The following DST variants were observed in gnomAD, a reference collection of about 807,000 sequenced individuals.
DST encodes the protein dystonin.
DST carries 253 observed loss-of-function variants against 875.2 expected under a neutral mutation model. The observed-to-expected ratio is 0.29, with a 90% CI of 0.26 to 0.32. DST has a LOEUF of 0.32. DST is among the 10% of genes least tolerant of loss of function. DST has a pLI of 1.00. For missense variants in DST, 8,287 were observed against 9,111.6 expected, an observed-to-expected ratio of 0.91 and a Z score of 3.68; for synonymous variants, 3,124 against 3,197.1, an observed-to-expected ratio of 0.98 and a Z score of 0.77.
chr6:56,881,577 T>C (rs1031836619), intron 3 of DST, among the ~76,000 whole-genome samples: 4 of 152,200 alleles, frequency 2.6e-5, no homozygotes, highest in Non-Finnish European at 4.4e-5. Context: ...CTGACTGATC[T>C]TCCCACCCCA....
chr6:56,854,933 T>A (rs1275028372), intron 3 of DST, among the ~76,000 whole-genome samples: 1 of 152,202 alleles, frequency 6.6e-6, no homozygotes, highest in African/African-American at 2.4e-5. Flanking sequence ...CACACCATCA[T>A]TTGTCATCCC....
intron 4 of DST, among the ~76,000 whole-genome samples, chr6:56,753,226 T>C (rs2099593063): frequency 6.6e-6 from 1 of 152,198 alleles, no homozygotes; most frequent in Non-Finnish European, 1.5e-5. Context: ...AGAAGAGTCA[T>C]GAATGGCTAC....
intron 3 of DST, among the ~76,000 whole-genome samples, chr6:56,867,424 G>A (rs1309074373): frequency 1.3e-5 from 2 of 152,172 alleles, no homozygotes; most frequent in East Asian, 1.9e-4. Flanking sequence ...TTCTTTTACA[G>A]TCTCATTTAT....
In DST at chr6:56,633,022, G is replaced by A; in HGVS notation, c.3637C>T (p.Pro1213Ser). 2 of 1,613,814 alleles carry A rather than the reference G, an allele frequency of 1.2e-6. No homozygotes were observed. The highest frequency in any genetic ancestry group is 1.7e-6 in the Non-Finnish European group (2 of 1,179,894). Reference sequence around the variant, plus strand: ...CTTAGAACTTGCTGATGTTCACCAGGTAGCATTGTCTTTATCTAAAGAAGA... The same window carrying A: ...CTTAGAACTTGCTGATGTTCACCAGATAGCATTGTCTTTATCTAAAGAAGA... Reference protein sequence around the residue: ...SNVASIKTMLPGEHQQVLSNL... With the variant: ...SNVASIKTMLSGEHQQVLSNL... Residue 1213 changes from proline to serine, a missense_variant, in exon 28 of 104, where the codon CCT becomes TCT. Pro to Ser is a moderately conservative substitution (Grantham distance 74, BLOSUM62 -1). Around this residue, in one of 10 missense-constraint regions of DST, gnomAD observed 3,138 missense variants for 3,116.6 expected, o/e 1.01. Transcript: ENST00000680361.
In DST at chr6:56,641,125, G is replaced by A. The variant is rs569620264; in HGVS notation, c.2028-520C>T. 4.0e-5 allele frequency among the ~76,000 whole-genome samples: 6 copies of A among 151,656 alleles called. No individual in the cohort carries two copies. The South Asian group carries it at 1.3e-3, about 32-fold the overall frequency. On this transcript the variant is annotated intron_variant, in intron 17 of 103. Coordinates refer to ENST00000680361, the MANE Select transcript of DST (RefSeq NM_001374736.1). ...TTACATATTTATGCACAGAGAGAGAGAGAGAGAGAGAGAGAGAGAGAGAGG... is the reference window on the plus strand; with the variant it reads ...TTACATATTTATGCACAGAGAGAGAAAGAGAGAGAGAGAGAGAGAGAGAGG...
chr6:56,611,839 A>G (rs931215249), intron 37 of DST, among the ~76,000 whole-genome samples: 2 of 152,122 alleles, frequency 1.3e-5, no homozygotes, highest in Admixed American at 1.3e-4. Context: ...AAAATAATAC[A>G]TTATACGTTT....
At chr6:56,641,897 GAAACAGTTACACAAAAAA>G (rs1238670461) in intron 17 of DST, 32 bp downstream of exon 17, 1 of 1,449,412 alleles carries the variant, frequency 6.9e-7, no homozygotes, top group East Asian at 2.3e-5. Context: ...AAATGCCCAT[GAAACAGTTACACAAAAAA>G]AGGACAGAGA....
At chr6:56,592,891 C>CA (rs1017209432) in intron 48 of DST, among the ~76,000 whole-genome samples, 4 of 147,274 alleles carry the variant, frequency 2.7e-5, no homozygotes, top group Non-Finnish European at 6.0e-5. Flanking sequence ...TTTTTTTTTT[C>CA]AAAAAAAACC....
intron 69 of DST, among the ~76,000 whole-genome samples, chr6:56,524,031 T>G (rs2096752448): frequency 6.6e-6 from 1 of 152,138 alleles, no homozygotes; most frequent in African/African-American, 2.4e-5. Flanking sequence ...AAAGATATGC[T>G]TTTTTTAATC....
At chr6:56,479,568 C>T (rs2095331356) in intron 90 of DST, among the ~76,000 whole-genome samples, 1 of 151,976 alleles carries the variant, frequency 6.6e-6, no homozygotes, top group South Asian at 2.1e-4. Flanking sequence ...AAATGTGGTA[C>T]ATATATACCA....
At chr6:56,600,323 A>C in intron 44 of DST, 102 bp from the exon 45 acceptor site, 1 of 1,093,232 alleles carries the variant, frequency 9.1e-7, no homozygotes, top group South Asian at 1.5e-5. Context: ...TTTGTCTAAT[A>C]AGCTTTTATA....
At chr6:56,595,111 A>T (rs1283670220) in intron 47 of DST, among the ~76,000 whole-genome samples, 1 of 152,092 alleles carries the variant, frequency 6.6e-6, no homozygotes, top group Non-Finnish European at 1.5e-5. Flanking sequence ...CCTTCTGGGC[A>T]ATTTCCCACA....
Position 56,458,333 on chromosome 6 carries a change from A to G in DST, c.*672T>C, listed in dbSNP as rs962702376. On this transcript the variant is annotated 3_prime_UTR_variant, in exon 104 of 104. Transcript: ENST00000680361. ...ATGATACAGGTGCTACTGTCCACTC[A>G]AGCAAAAGAAAACCTCACATGTATA... 1.3e-5 allele frequency: 2 copies of G among 152,570 alleles called. No individual in the cohort carries two copies. The highest frequency in any genetic ancestry group is 4.8e-5 in the African/African-American group (2 of 41,454). 9.5% of individuals were successfully genotyped at this position (152,570 alleles called of 1,614,324 possible).
intron 4 of DST, among the ~76,000 whole-genome samples, chr6:56,772,659 C>T (rs1166285320): frequency 6.6e-6 from 1 of 152,126 alleles, no homozygotes; most frequent in East Asian, 1.9e-4. Flanking sequence ...CAATTAAAAT[C>T]ACAAGTAGTT....
chr6:56,470,267 C>T lies in DST; in HGVS notation c.22337G>A (p.Arg7446His), dbSNP rs768427386. The T allele has an allele frequency of 1.3e-5, 21 of 1,603,780 alleles. No individual in the cohort carries two copies. The highest frequency in any genetic ancestry group is 5.6e-5 in the South Asian group (5 of 89,316). The change falls in exon 96 of 104, where the codon CGC becomes CAC. Residue 7446 changes from arginine (R) to histidine (H), a missense_variant. Physicochemically the swap from Arg to His is conservative, Grantham distance 29 (BLOSUM62 0). Coordinates refer to ENST00000680361, the MANE Select transcript of DST (RefSeq NM_001374736.1). Reference protein sequence around the residue: ...GILSSKFPTSRLEMSAVADIF... With the variant: ...GILSSKFPTSHLEMSAVADIF... ...GTCTGCAACTGCGCTCATCTCCAAGCGACTGGTTGGAAACTCTAAAATTTT... is the reference window on the plus strand; with the variant it reads ...GTCTGCAACTGCGCTCATCTCCAAGTGACTGGTTGGAAACTCTAAAATTTT...
chr6:56,943,397 G>T (rs1008613884), intron 2 of DST, among the ~76,000 whole-genome samples: 74 of 150,540 alleles, frequency 4.9e-4, no homozygotes, highest in African/African-American at 1.7e-3. Context: ...AAAAAAGTCA[G>T]GGATATTTTC....
chr6:56,603,812 G>A lies in DST; in HGVS notation c.10791+25C>T, dbSNP rs377050910. Reference sequence around the variant, plus strand: ...TCACATGGTTCATGCAGCTTTTTCTGTATAAAATGTATAGGTCAACTTACT... The same window carrying A: ...TCACATGGTTCATGCAGCTTTTTCTATATAAAATGTATAGGTCAACTTACT... On this transcript the variant is annotated intron_variant, in intron 40 of 103. Transcript: ENST00000680361. 7 of 1,594,424 alleles carry A rather than the reference G, an allele frequency of 4.4e-6. No individual in the cohort carries two copies. The African/African-American group carries it at 6.8e-5, about 15-fold the overall frequency.
In DST at chr6:56,629,240, G is replaced by A. The variant is rs1442124282; in HGVS notation, c.4475+10C>T. 2 of 1,613,268 alleles carry A rather than the reference G, an allele frequency of 1.2e-6. No individual in the cohort carries two copies. The highest frequency in any genetic ancestry group is 1.1e-5 in the South Asian group (1 of 91,050). ...ATCTGTGCTAAAACTGAACAAAAAA[G>A]GATACTAACCTGTTGTCAATCTGCA... is the stretch of plus-strand genomic sequence containing the variant. On this transcript the variant is annotated intron_variant, in intron 32 of 103. Coordinates refer to ENST00000680361, the MANE Select transcript of DST (RefSeq NM_001374736.1).
intron 69 of DST, among the ~76,000 whole-genome samples, chr6:56,521,479 T>TAA (rs34671326): frequency 2.8e-5 from 4 of 144,402 alleles, no homozygotes; most frequent in African/African-American, 2.6e-5. Flanking sequence ...CTTCCCTATT[T>TAA]AAAAAAAAAA....
Sources: gnomAD v4.1 joint callset for allele counts (sites outside exome capture counted in the v4.1 genomes callset) on GRCh38, gnomAD v4.1.1 for gene constraint, gnomAD v4.1.1 regional missense constraint, MANE v1.5 for transcripts, NCBI Gene and HGNC (gene_info 2026-07-23, HGNC 2026-07-21) for gene names.